UCHL5: variants seen among roughly 807,000 people sequenced by gnomAD.
UCHL5 encodes ubiquitin carboxyl-terminal hydrolase isozyme L5.
In UCHL5, 34 loss-of-function variants were observed where a neutral mutation model predicts 53.8. The observed-to-expected ratio is 0.63, with a 90% CI of 0.48 to 0.84. UCHL5 has a LOEUF of 0.84. Ranked by LOEUF, UCHL5 falls within the 40% of genes least tolerant of loss-of-function variation. The pLI is 0.00. For synonymous variants in UCHL5, 111 were observed against 126.3 expected, an observed-to-expected ratio of 0.88 and a Z score of 0.81; for missense variants, 290 against 385.6, an observed-to-expected ratio of 0.75 and a Z score of 2.08.
In UCHL5 at chr1:193,014,055, T is replaced by G. The variant is rs1654542237; in HGVS notation, c.*2296A>C. 6.6e-6 allele frequency: 1 copy of G among 152,140 alleles called. No homozygotes were observed. The highest frequency in any genetic ancestry group is 2.4e-5 in the African/African-American group (1 of 41,432). 9.4% of individuals were successfully genotyped at this position (152,140 alleles called of 1,614,324 possible). ...TCACCTACCCAATAATTAAATAAAATTTTAGAAAAGACTAAATATGAAATG... is the reference window on the plus strand; with the variant it reads ...TCACCTACCCAATAATTAAATAAAAGTTTAGAAAAGACTAAATATGAAATG... On this transcript the variant is annotated 3_prime_UTR_variant, in exon 11 of 11. Coordinates refer to ENST00000367454, the MANE Select transcript of UCHL5 (RefSeq NM_001199261.3).
In UCHL5 at chr1:193,059,083, C is replaced by A. The variant is rs542926577; in HGVS notation, c.76+102G>T. 8 of 1,276,454 alleles carry A rather than the reference C, an allele frequency of 6.3e-6. No homozygotes were observed. Among genetic ancestry groups the A allele is most frequent in the Middle Eastern group, 2.8e-4 (1 of 3,596 alleles). The allele number at this position is 1,276,454 out of a possible 1,614,324, so 79.1% of individuals were successfully genotyped here. ...CCGGACTCCAGGTTCCTGAAGTCAC[C>A]TCTCCAGACGCGGGGCGGCGGTGGC... On this transcript the variant is annotated intron_variant, in intron 1 of 10. Coordinates refer to ENST00000367454, the MANE Select transcript of UCHL5 (RefSeq NM_001199261.3). This position sits in a 1 kb window ranked among gnomAD's most constrained non-coding sequence, Gnocchi z 4.9.
At chr1:193,018,139 A>C (rs975216048) in intron 10 of UCHL5, among the ~76,000 whole-genome samples, 18 of 151,518 alleles carry the variant, frequency 1.2e-4, no homozygotes, top group African/African-American at 4.3e-4. Context: ...CTATTCTTCT[A>C]CCTTATTTCT....
chr1:193,035,838 T>C (rs1272746764), intron 3 of UCHL5, among the ~76,000 whole-genome samples: 1 of 151,868 alleles, frequency 6.6e-6, no homozygotes, highest in Non-Finnish European at 1.5e-5. Context: ...AAACACAAAG[T>C]CAAAATATAA....
At position 193,059,075 on chromosome 1, in the gene UCHL5, G is replaced by A; in HGVS notation, c.76+110C>T. On this transcript the variant is annotated intron_variant, in intron 1 of 10. Coordinates refer to ENST00000367454, the MANE Select transcript of UCHL5 (RefSeq NM_001199261.3). This position sits in a 1 kb window ranked among gnomAD's most constrained non-coding sequence, Gnocchi z 4.9. ...TCCCCCACCCGGACTCCAGGTTCCT[G>A]AAGTCACCTCTCCAGACGCGGGGCG... is the stretch of plus-strand genomic sequence containing the variant. 8.4e-7 allele frequency: 1 copy of A among 1,187,696 alleles called. No homozygotes were observed. Among genetic ancestry groups the A allele is most frequent in the Non-Finnish European group, 1.2e-6 (1 of 865,336 alleles). The allele number at this position is 1,187,696 out of a possible 1,614,324, so 73.6% of individuals were successfully genotyped here. A position where few individuals can be genotyped will look rare whatever the true frequency, so the allele number is the denominator to read the frequency against.
At chr1:193,041,259 T>C (rs1665468436) in intron 3 of UCHL5, among the ~76,000 whole-genome samples, 1 of 152,178 alleles carries the variant, frequency 6.6e-6, no homozygotes. Context: ...CCAAAATATG[T>C]ACATCTACTA....
At chr1:193,017,523 G>A (rs115456886) in intron 10 of UCHL5, among the ~76,000 whole-genome samples, 1 of 151,660 alleles carries the variant, frequency 6.6e-6, no homozygotes, top group Non-Finnish European at 1.5e-5. Flanking sequence ...AATTTGATAT[G>A]TGTATCGCAT....
In UCHL5 at chr1:193,015,331, A is replaced by C. The variant is rs1654732751; in HGVS notation, c.*1020T>G. The stretch of plus-strand genomic sequence containing the variant: ...AAATATTCTTGATAAAGAAAAAAGT[A>C]GGTTACTTCCTTTAAAAAAGAAAGC... On this transcript the variant is annotated 3_prime_UTR_variant, in exon 11 of 11. Coordinates refer to ENST00000367454, the MANE Select transcript of UCHL5 (RefSeq NM_001199261.3). The C allele has an allele frequency of 6.6e-6, 1 of 152,088 alleles. No homozygotes were observed. Among genetic ancestry groups the C allele is most frequent in the African/African-American group, 2.4e-5 (1 of 41,458 alleles). 9.4% of individuals were successfully genotyped at this position (152,088 alleles called of 1,614,324 possible). A position where few individuals can be genotyped will look rare whatever the true frequency, so the allele number is the denominator to read the frequency against.
At chr1:193,045,859 A>G (rs1667170551) in intron 3 of UCHL5, among the ~76,000 whole-genome samples, 2 of 152,234 alleles carry the variant, frequency 1.3e-5, no homozygotes, top group South Asian at 4.1e-4. Context: ...AAAAAATAAA[A>G]ACATTTTTAA....
intron 3 of UCHL5, chr1:193,049,486 T>G: frequency 3.7e-6 from 1 of 270,364 alleles, no homozygotes; most frequent in East Asian, 7.0e-5. Flanking sequence ...ATTACAGTTA[T>G]AAGCCACCAT....
chr1:193,054,634 A>C (rs1267743789), intron 1 of UCHL5, among the ~76,000 whole-genome samples: 1 of 152,202 alleles, frequency 6.6e-6, no homozygotes, highest in Non-Finnish European at 1.5e-5. Flanking sequence ...GTCCCATTTT[A>C]GGGGCTGTAA....
At position 193,016,258 on chromosome 1, in the gene UCHL5, G is replaced by C; in HGVS notation, c.*93C>G. On this transcript the variant is annotated 3_prime_UTR_variant, in exon 11 of 11. Transcript: ENST00000367454. ...GGCACTATTGCCAAACGTGCACTGAGCCAATTAGGATGTTGCTCTAAGTTC... is the reference window on the plus strand; with the variant it reads ...GGCACTATTGCCAAACGTGCACTGACCCAATTAGGATGTTGCTCTAAGTTC... 6.8e-7 allele frequency: 1 copy of C among 1,462,154 alleles called. No individual in the cohort carries two copies. The highest frequency in any genetic ancestry group is 9.3e-7 in the Non-Finnish European group (1 of 1,073,308). The allele number at this position is 1,462,154 out of a possible 1,614,324, so 90.6% of individuals were successfully genotyped here.
chr1:193,047,001 T>C (rs1489952319), intron 3 of UCHL5, among the ~76,000 whole-genome samples: 2 of 152,062 alleles, frequency 1.3e-5, no homozygotes, highest in Non-Finnish European at 2.9e-5. Flanking sequence ...ATATTATCTC[T>C]GTGATCTCAG....
intron 1 of UCHL5, among the ~76,000 whole-genome samples, chr1:193,058,840 C>T (rs1671736237): frequency 6.6e-6 from 1 of 152,176 alleles, no homozygotes; most frequent in African/African-American, 2.4e-5. Context: ...ATAAGGTGCG[C>T]GCCGCAGAGA....
chr1:193,025,648 T>G (rs1658915633), intron 7 of UCHL5, among the ~76,000 whole-genome samples: 1 of 152,120 alleles, frequency 6.6e-6, no homozygotes, highest in Non-Finnish European at 1.5e-5. Context: ...GAAGGCCTAG[T>G]AGGGAAGCTG....
chr1:193,059,910 C>T (rs774116140), upstream of UCHL5: 4 of 1,365,946 alleles, frequency 2.9e-6, no homozygotes, highest in South Asian at 1.1e-5. The surrounding 1 kb of genome is among the most constrained non-coding windows in gnomAD (Gnocchi z 4.9). Flanking sequence ...AACTATCGCT[C>T]TTCCCCGTCC....
At chr1:193,038,053 C>G (rs1011516296) in intron 3 of UCHL5, among the ~76,000 whole-genome samples, 6 of 152,060 alleles carry the variant, frequency 3.9e-5, no homozygotes, top group Non-Finnish European at 8.8e-5. Flanking sequence ...ATTTAACATG[C>G]CTTTATGACA....
chr1:193,049,647 T>C (rs1668394357), intron 3 of UCHL5, 99 bp downstream of exon 3: 1 of 835,874 alleles, frequency 1.2e-6, no homozygotes, highest in Admixed American at 2.9e-5. Flanking sequence ...AGTGTAAGAG[T>C]TTGAGGACTA....
At position 193,037,375 on chromosome 1, in the gene UCHL5, T is replaced by A. The variant is rs369204246; in HGVS notation, c.247-7718A>T. 7.9e-5 allele frequency among the ~76,000 whole-genome samples: 12 copies of A among 151,896 alleles called. No individual in the cohort carries two copies. The East Asian group carries it at 2.3e-3, about 29-fold the overall frequency. ...TTATGAACAGCTATATACAAAAAAA[T>A]TGGAAAACCTAGAAATGGACAAATT... is the stretch of plus-strand genomic sequence containing the variant. On this transcript the variant is annotated intron_variant, in intron 3 of 10. Coordinates refer to ENST00000367454, the MANE Select transcript of UCHL5 (RefSeq NM_001199261.3).
chr1:193,057,018 G>T (rs781640981), intron 1 of UCHL5, among the ~76,000 whole-genome samples: 14 of 152,318 alleles, frequency 9.2e-5, no homozygotes, highest in Middle Eastern at 6.8e-3. Flanking sequence ...AATTGAAGGA[G>T]TAAAAACAAA....
Sources: allele counts gnomAD v4.1 joint callset (sites outside exome capture counted in the v4.1 genomes callset), GRCh38; gene constraint gnomAD v4.1.1; non-coding constraint Gnocchi (gnomAD v3.1); transcripts MANE v1.5; gene names NCBI Gene and HGNC (gene_info 2026-07-23, HGNC 2026-07-21).